Variants in NME7 observed in about 807,000 individuals in gnomAD.
NME7 encodes NME/NM23 family member 7.
NME7 carries 41 observed loss-of-function variants against 49.1 expected under a neutral mutation model. That is an observed-to-expected ratio of 0.83 (90% CI 0.65 to 1.08). The LOEUF (loss-of-function observed/expected upper bound fraction) is 1.08. NME7 is among the 50% of genes least tolerant of loss of function. NME7 has a pLI of 0.00. For synonymous variants in NME7, 139 were observed against 150.6 expected, an observed-to-expected ratio of 0.92 and a Z score of 0.56; for missense variants, 423 against 463.4, an observed-to-expected ratio of 0.91 and a Z score of 0.80.
chr1:169,333,415 T>C (rs959700152), intron 1 of NME7, among the ~76,000 whole-genome samples: 1 of 151,994 alleles, frequency 6.6e-6, no homozygotes, highest in African/African-American at 2.4e-5. Flanking sequence ...CAGAGTAGGG[T>C]GACTGTAGCC....
intron 2 of NME7, 56 bp downstream of exon 2, chr1:169,324,337 A>C (rs145122872): frequency 9.3e-7 from 1 of 1,077,868 alleles, no homozygotes; most frequent in Admixed American, 1.8e-5. Context: ...ATAAAAGGCA[A>C]TGGTTCCCAT....
chr1:169,163,735 T>C (rs79796388), intron 11 of NME7, among the ~76,000 whole-genome samples: 3,052 of 152,262 alleles, frequency 0.02, 101 homozygotes, highest in African/African-American at 0.068. Flanking sequence ...CACATAATGT[T>C]GATGACTTAC....
chr1:169,345,289 T>C (rs1395708766), intron 1 of NME7, among the ~76,000 whole-genome samples: 3 of 139,848 alleles, frequency 2.1e-5, no homozygotes, highest in South Asian at 2.4e-4. Context: ...TTTAGTTTCA[T>C]TGATTTTCTC....
rs1396965846 is a variant in NME7, at chr1:169,331,953, G to A, written c.4-7453C>T. ...TACCAATGTCGTTCTTCAAAGAATA[G>A]AAATAGAAAAAACAATTCTAGAATT... is the stretch of plus-strand genomic sequence containing the variant. On this transcript the variant is annotated intron_variant, in intron 1 of 11. Coordinates refer to ENST00000367811, the MANE Select transcript of NME7 (RefSeq NM_013330.5). Among the ~76,000 whole-genome samples, 8 of 151,880 alleles carry A rather than the reference G, an allele frequency of 5.3e-5. No individual in the cohort carries two copies. In the South Asian group the frequency reaches 8.3e-4, roughly 16 times the overall value.
intron 7 of NME7, among the ~76,000 whole-genome samples, chr1:169,283,061 C>T (rs532954250): frequency 7.9e-5 from 12 of 152,080 alleles, no homozygotes; most frequent in African/African-American, 2.9e-4. Context: ...AATTCTCCCA[C>T]TTTTATTGTG....
At chr1:169,319,614 T>C (rs1651779035) in intron 3 of NME7, among the ~76,000 whole-genome samples, 1 of 152,154 alleles carries the variant, frequency 6.6e-6, no homozygotes, top group African/African-American at 2.4e-5. Flanking sequence ...TGTGACTGAG[T>C]TCCTGCTGTG....
intron 11 of NME7, among the ~76,000 whole-genome samples, chr1:169,166,221 G>C (rs1208006497): frequency 6.6e-6 from 1 of 151,912 alleles, no homozygotes; most frequent in Non-Finnish European, 1.5e-5. Flanking sequence ...CTAGTTGATA[G>C]GTCCAAGCTA....
intron 9 of NME7, among the ~76,000 whole-genome samples, chr1:169,232,912 CTTTT>C (rs10545228): frequency 6.7e-5 from 5 of 74,528 alleles, no homozygotes; most frequent in Non-Finnish European, 1.0e-4. Flanking sequence ...GTTTTCTTTT[CTTTT>C]TTTTTTTTTT....
intron 10 of NME7, chr1:169,190,562 C>A: frequency 2.8e-6 from 1 of 359,592 alleles, no homozygotes; most frequent in South Asian, 2.1e-5. Flanking sequence ...TAAACATGGA[C>A]TACTTTAGTA....
chr1:169,145,536 C>T (rs1658722945), intron 11 of NME7, among the ~76,000 whole-genome samples: 3 of 152,122 alleles, frequency 2.0e-5, no homozygotes, highest in Admixed American at 6.5e-5. Context: ...CATGGAGGCA[C>T]AGTTTTTAAA....
intron 3 of NME7, among the ~76,000 whole-genome samples, chr1:169,315,159 A>G: frequency 6.6e-6 from 1 of 152,206 alleles, no homozygotes; most frequent in East Asian, 1.9e-4. Context: ...TAAATATGTG[A>G]AAGATTTGAA....
intron 1 of NME7, among the ~76,000 whole-genome samples, chr1:169,341,340 A>G (rs1445294762): frequency 6.6e-6 from 1 of 152,226 alleles, no homozygotes; most frequent in Non-Finnish European, 1.5e-5. Flanking sequence ...TACGCAGAAG[A>G]CAAGAGCTGA....
intron 5 of NME7, among the ~76,000 whole-genome samples, chr1:169,300,754 A>G (rs1363110817): frequency 6.6e-6 from 1 of 152,208 alleles, no homozygotes; most frequent in Non-Finnish European, 1.5e-5. Context: ...TCACTGGAAC[A>G]TAATAGAGAA....
At chr1:169,181,400 CATATATACACACACAT>C (rs894367874) in intron 10 of NME7, among the ~76,000 whole-genome samples, 1 of 141,956 alleles carries the variant, frequency 7.0e-6, no homozygotes, top group African/African-American at 2.6e-5. Context: ...CACACACACA[CATATATACACACACAT>C]TATCCTTCCC....
chr1:169,145,497 G>T (rs112935834), intron 11 of NME7, among the ~76,000 whole-genome samples: 1 of 152,160 alleles, frequency 6.6e-6, no homozygotes, highest in Admixed American at 6.5e-5. Context: ...CGGGGTGGAG[G>T]TGAGGACAGA....
chr1:169,244,052 T>A (rs193245366), intron 7 of NME7, among the ~76,000 whole-genome samples: 309 of 152,180 alleles, frequency 2.0e-3, no homozygotes, highest in African/African-American at 6.8e-3. Flanking sequence ...TATGCAAAAA[T>A]ATACATATGT....
intron 5 of NME7, 183 bp downstream of exon 5, chr1:169,302,962 T>C: frequency 2.6e-6 from 1 of 388,106 alleles, no homozygotes; most frequent in South Asian, 8.5e-5. Flanking sequence ...AATGATAAAA[T>C]ATAGGAATTC....
At chr1:169,233,607 G>C (rs768888337) in intron 9 of NME7, among the ~76,000 whole-genome samples, 2 of 152,170 alleles carry the variant, frequency 1.3e-5, no homozygotes, top group Non-Finnish European at 2.9e-5. Context: ...ACAAACTACA[G>C]AAGCTAAAAG....
chr1:169,224,158 G>A (rs1254155367), intron 10 of NME7, among the ~76,000 whole-genome samples: 1 of 152,122 alleles, frequency 6.6e-6, no homozygotes, highest in African/African-American at 2.4e-5. Flanking sequence ...TGCCAATCAG[G>A]CTCTGACACA....
Sources: allele counts gnomAD v4.1 joint callset (sites outside exome capture counted in the v4.1 genomes callset), GRCh38; gene constraint gnomAD v4.1.1; transcripts MANE v1.5; gene names NCBI Gene and HGNC (gene_info 2026-07-23, HGNC 2026-07-21).